GALNTL6: variants seen among roughly 807,000 people sequenced by gnomAD.
The protein encoded by GALNTL6 is polypeptide N-acetylgalactosaminyltransferase like 6, also known as polypeptide N-acetylgalactosaminyltransferase-like 6.
GALNTL6 carries 46 observed loss-of-function variants against 73.7 expected under a neutral mutation model. The ratio of observed to expected loss-of-function variants is 0.62; its 90% CI spans 0.49 to 0.80. The LOEUF is 0.80. Among genes scored for constraint, GALNTL6 ranks in the 30% least tolerant of loss-of-function variants. The pLI, the probability that GALNTL6 is intolerant of heterozygous loss-of-function variation, is 0.00. For synonymous variants in GALNTL6, 259 were observed against 263.7 expected (o/e 0.98, Z 0.17); for missense variants, 604 against 755.0 (o/e 0.80, Z 2.34).
chr4:171,864,757 A>T (rs1347962495), intron 2 of GALNTL6, among the ~76,000 whole-genome samples: 1 of 152,174 alleles, frequency 6.6e-6, no homozygotes, highest in East Asian at 1.9e-4. Context: ...CCTGCTAGAG[A>T]TTGAAAAATC....
At chr4:172,813,971 T>C (rs930232216) in intron 7 of GALNTL6, among the ~76,000 whole-genome samples, 1 of 152,076 alleles carries the variant, frequency 6.6e-6, no homozygotes, top group African/African-American at 2.4e-5. Context: ...ACCAGGAAAA[T>C]GCATAAACAG....
At chr4:172,608,366 G>A (rs555755662) in intron 5 of GALNTL6, among the ~76,000 whole-genome samples, 9 of 152,162 alleles carry the variant, frequency 5.9e-5, no homozygotes, top group East Asian at 3.9e-4. Flanking sequence ...AGTTATCCCC[G>A]TATCATTTAT....
chr4:172,668,450 T>G (rs1343096927), intron 5 of GALNTL6: 2 of 152,042 alleles, frequency 1.3e-5, no homozygotes, highest in Non-Finnish European at 2.9e-5. Context: ...AAGAGGAAGA[T>G]CAAACAGCCG....
chr4:172,177,766 T>TGTACACATATATACAC (rs1735060098), intron 2 of GALNTL6, among the ~76,000 whole-genome samples: 23 of 142,060 alleles, frequency 1.6e-4, no homozygotes, highest in South Asian at 2.1e-4. Context: ...TGTGTATATA[T>TGTACACATATATACAC]ATGTACACAT....
chr4:172,080,052 TA>T (rs1446220366), intron 2 of GALNTL6, among the ~76,000 whole-genome samples: 3 of 152,344 alleles, frequency 2.0e-5, no homozygotes, highest in African/African-American at 7.2e-5. Flanking sequence ...AAAATATCTA[TA>T]GCACTTTCCT....
intron 5 of GALNTL6, among the ~76,000 whole-genome samples, chr4:172,727,900 CA>C (rs1280722647): frequency 6.7e-6 from 1 of 149,218 alleles, no homozygotes; most frequent in Non-Finnish European, 1.5e-5. Context: ...TAAAAAATAC[CA>C]TCTTTGCTAT....
At chr4:172,333,160 CTT>C (rs891207424) in intron 4 of GALNTL6, among the ~76,000 whole-genome samples, 9 of 152,132 alleles carry the variant, frequency 5.9e-5, no homozygotes, top group African/African-American at 2.2e-4. Context: ...AATCCCAGCA[CTT>C]TGGGAGGCCA....
chr4:172,130,644 A>G (rs1733463290), intron 2 of GALNTL6, among the ~76,000 whole-genome samples: 1 of 152,134 alleles, frequency 6.6e-6, no homozygotes, highest in Non-Finnish European at 1.5e-5. Context: ...AACTGACAAT[A>G]TAGGTGTAAA....
chr4:171,827,844 T>G lies in GALNTL6; in HGVS notation c.138+13126T>G, dbSNP rs182287736. ...TAAACATAGGTTTGAACTGCATAGG[T>G]ACACTTACCTGTGGATTTTTTTCAA... On this transcript the variant is annotated intron_variant, in intron 2 of 12. Transcript: ENST00000506823. 4.2e-3 allele frequency among the ~76,000 whole-genome samples: 641 copies of G among 152,254 alleles called. 2 individuals are homozygous for G. The highest frequency in any genetic ancestry group is 0.015 in the African/African-American group (607 of 41,558).
At chr4:172,878,608 A>G (rs1745304746) in intron 7 of GALNTL6, among the ~76,000 whole-genome samples, 1 of 151,916 alleles carries the variant, frequency 6.6e-6, no homozygotes, top group Non-Finnish European at 1.5e-5. Context: ...ATGATAACAA[A>G]GAAACCACTT....
chr4:172,351,463 G>GT, intron 5 of GALNTL6, among the ~76,000 whole-genome samples: 1 of 152,110 alleles, frequency 6.6e-6, no homozygotes, highest in Non-Finnish European at 1.5e-5. Context: ...CCTTAGAAGA[G>GT]TGTTTAGCAG....
At chr4:171,869,869 T>A (rs1736086855) in intron 2 of GALNTL6, among the ~76,000 whole-genome samples, 2 of 152,250 alleles carry the variant, frequency 1.3e-5, no homozygotes, top group South Asian at 4.2e-4. Context: ...TCTTCTGCCA[T>A]GATTGTGAGG....
intron 9 of GALNTL6, among the ~76,000 whole-genome samples, chr4:172,932,369 A>G (rs1464668769): frequency 6.6e-6 from 1 of 152,240 alleles, no homozygotes; most frequent in Non-Finnish European, 1.5e-5. Context: ...AAACTTAAAT[A>G]CTTTTTAATG....
chr4:172,115,540 G>A (rs1441852536), intron 2 of GALNTL6, among the ~76,000 whole-genome samples: 1 of 152,062 alleles, frequency 6.6e-6, no homozygotes, highest in African/African-American at 2.4e-5. Context: ...GTTTCACAAG[G>A]AGATAATAAG....
intron 2 of GALNTL6, among the ~76,000 whole-genome samples, chr4:172,163,078 C>G (rs1014248199): frequency 2.6e-5 from 4 of 152,026 alleles, no homozygotes; most frequent in Non-Finnish European, 4.4e-5. Flanking sequence ...CATTTCCCAC[C>G]TTGCCCTGGT....
intron 2 of GALNTL6, among the ~76,000 whole-genome samples, chr4:172,223,466 C>T (rs952753523): frequency 1.3e-5 from 2 of 152,094 alleles, no homozygotes; most frequent in Admixed American, 6.6e-5. Flanking sequence ...ACATTTTATG[C>T]TATTACTCTT....
intron 2 of GALNTL6, among the ~76,000 whole-genome samples, chr4:172,102,435 G>T (rs143690340): frequency 2.0e-5 from 3 of 152,276 alleles, no homozygotes; most frequent in African/African-American, 7.2e-5. Context: ...ACCCCTCAAA[G>T]AAATTACTCT....
intron 5 of GALNTL6, among the ~76,000 whole-genome samples, chr4:172,350,696 G>C (rs188760031): frequency 6.6e-6 from 1 of 152,036 alleles, no homozygotes; most frequent in Non-Finnish European, 1.5e-5. Context: ...GTGATAAAAT[G>C]CTTCTATAAT....
chr4:172,151,821 T>TG (rs1460838345), intron 2 of GALNTL6, among the ~76,000 whole-genome samples: 2 of 151,980 alleles, frequency 1.3e-5, no homozygotes, highest in Non-Finnish European at 2.9e-5. Flanking sequence ...GCACACTTCA[T>TG]GGGGGACGGC....
Sources: gnomAD v4.1 joint callset for allele counts (sites outside exome capture counted in the v4.1 genomes callset) on GRCh38, gnomAD v4.1.1 for gene constraint, MANE v1.5 for transcripts, NCBI Gene and HGNC (gene_info 2026-07-23, HGNC 2026-07-21) for gene names.